The following FMN2 variants were observed in gnomAD, a reference collection of about 807,000 sequenced individuals.
FMN2 encodes the protein formin 2.
In FMN2, 51 loss-of-function variants were observed where a neutral mutation model predicts 142.3. That is an observed-to-expected ratio of 0.36 (90% CI 0.29 to 0.45). FMN2 has a LOEUF of 0.45. Among genes scored for constraint, FMN2 ranks in the 20% least tolerant of loss-of-function variants. The pLI is 1.00. For synonymous variants in FMN2, 882 were observed against 869.8 expected (o/e 1.01, Z -0.25); for missense variants, 1,936 against 2,122.8 (o/e 0.91, Z 1.73).
At chr1:240,197,610 A>C (rs1256735800) in intron 4 of FMN2, among the ~76,000 whole-genome samples, 1 of 152,134 alleles carries the variant, frequency 6.6e-6, no homozygotes, top group Non-Finnish European at 1.5e-5. Context: ...AATAGAATTG[A>C]TTGCTTGCTG....
intron 1 of FMN2, among the ~76,000 whole-genome samples, chr1:240,111,620 C>T (rs780190369): frequency 3.3e-5 from 5 of 151,994 alleles, no homozygotes; most frequent in Non-Finnish European, 5.9e-5. Flanking sequence ...GGGTTTTAGC[C>T]GGCTTCTTTA....
intron 14 of FMN2, among the ~76,000 whole-genome samples, chr1:240,361,239 T>G (rs1266381589): frequency 9.0e-5 from 13 of 143,890 alleles, no homozygotes; most frequent in African/African-American, 3.0e-4. Context: ...CACAAGCAAA[T>G]TGGTAGTTGC....
chr1:240,461,112 C>T (rs1676434254), intron 16 of FMN2, among the ~76,000 whole-genome samples: 1 of 152,192 alleles, frequency 6.6e-6, no homozygotes, highest in Non-Finnish European at 1.5e-5. Flanking sequence ...TTCTTGCATC[C>T]TGTATTCCCG....
Position 240,190,747 on chromosome 1 carries a change from T to C in FMN2, c.1986+2485T>C, listed in dbSNP as rs574043426. Among the ~76,000 whole-genome samples, 3 of 152,260 alleles carry C rather than the reference T, an allele frequency of 2.0e-5. No individual in the cohort carries two copies. In the South Asian group the frequency reaches 6.2e-4, roughly 32 times the overall value. On this transcript the variant is annotated intron_variant, in intron 4 of 17. Coordinates refer to ENST00000319653, the MANE Select transcript of FMN2 (RefSeq NM_020066.5). ...AAATCGTCAGATGAATGAGATGAGA[T>C]TCTAAATTTATTTTATTATATGTAA...
intron 8 of FMN2, among the ~76,000 whole-genome samples, chr1:240,312,695 T>G (rs1670636910): frequency 6.6e-6 from 1 of 152,254 alleles, no homozygotes; most frequent in African/African-American, 2.4e-5. Context: ...AGAGTAATTC[T>G]GTGATCAGAT....
chr1:240,419,415 C>CA (rs67554403), intron 15 of FMN2, among the ~76,000 whole-genome samples: 40 of 147,226 alleles, frequency 2.7e-4, no homozygotes, highest in East Asian at 9.9e-4. Context: ...TCCTTATGGG[C>CA]AAAAAAAAAA....
intron 2 of FMN2, chr1:240,170,618 C>T (rs1219150925): frequency 6.4e-7 from 1 of 1,573,460 alleles, no homozygotes; most frequent in African/African-American, 1.3e-5. Context: ...TCTGAATGCA[C>T]AGTTGTGGCT....
chr1:240,208,813 T>C lies in FMN2; in HGVS notation c.3920+81T>C, dbSNP rs182362432. 4,088 of 1,484,372 alleles carry C rather than the reference T, an allele frequency of 2.8e-3. 38 individuals carry two copies. The highest frequency in any genetic ancestry group is 0.022 in the South Asian group (1,571 of 72,278). The allele number at this position is 1,484,372 out of a possible 1,614,324, so 92.0% of individuals were successfully genotyped here. On this transcript the variant is annotated intron_variant, in intron 5 of 17. Coordinates refer to ENST00000319653, the MANE Select transcript of FMN2 (RefSeq NM_020066.5). ...TTACCTTCAAACTCGGGAAAATTAC[T>C]GTTGAATGTATTTTTAAGCACAACT...
intron 7 of FMN2, among the ~76,000 whole-genome samples, chr1:240,287,024 T>C (rs1020775313): frequency 3.3e-5 from 5 of 152,196 alleles, no homozygotes; most frequent in Non-Finnish European, 4.4e-5. Context: ...AAATGTTTTG[T>C]AGGACATTTA....
intron 3 of FMN2, chr1:240,179,256 G>C (rs1665053191): frequency 1.4e-5 from 2 of 145,534 alleles, no homozygotes; most frequent in Admixed American, 1.3e-4. Context: ...CCTTTCAACC[G>C]ACAATGACCA....
chr1:240,220,208 A>G (rs1667053069), intron 6 of FMN2, among the ~76,000 whole-genome samples: 1 of 152,270 alleles, frequency 6.6e-6, no homozygotes, highest in African/African-American at 2.4e-5. Flanking sequence ...GGAAACGGAG[A>G]AACAGTCATT....
chr1:240,145,139 C>T (rs545765222), intron 2 of FMN2: 633 of 1,483,390 alleles, frequency 4.3e-4, no homozygotes, highest in Admixed American at 5.4e-4. Context: ...AATCTGCCTT[C>T]GCATTTCCTC....
intron 2 of FMN2, among the ~76,000 whole-genome samples, chr1:240,136,717 T>C (rs1447048692): frequency 1.3e-5 from 2 of 152,202 alleles, no homozygotes; most frequent in African/African-American, 4.8e-5. Context: ...TTAGTTCTAT[T>C]GATGTGACTT....
At chr1:240,383,332 T>C (rs970453443) in intron 14 of FMN2, among the ~76,000 whole-genome samples, 1 of 152,048 alleles carries the variant, frequency 6.6e-6, no homozygotes, top group Non-Finnish European at 1.5e-5. Context: ...AGACAACCTA[T>C]AGAATGGGAT....
intron 2 of FMN2, among the ~76,000 whole-genome samples, chr1:240,145,877 T>C (rs1047261750): frequency 1.3e-5 from 2 of 152,076 alleles, no homozygotes. Flanking sequence ...GGCAGAAATC[T>C]TGCATTATGT....
chr1:240,367,767 CAAAAAAAAAAA>C (rs60368715), intron 14 of FMN2, among the ~76,000 whole-genome samples: 2 of 54,058 alleles, frequency 3.7e-5, no homozygotes, highest in East Asian at 4.5e-4. Context: ...GACTCAGTCT[CAAAAAAAAAAA>C]AAAAAAAAAA....
intron 16 of FMN2, among the ~76,000 whole-genome samples, chr1:240,456,459 T>G (rs1424443455): frequency 6.6e-6 from 1 of 152,192 alleles, no homozygotes; most frequent in Non-Finnish European, 1.5e-5. Context: ...TTGTTTTTAT[T>G]TTTTATTTTT....
intron 2 of FMN2, among the ~76,000 whole-genome samples, chr1:240,129,558 A>G (rs933766242): frequency 6.9e-6 from 1 of 143,940 alleles, no homozygotes; most frequent in South Asian, 2.2e-4. Context: ...GCTGGAGTAC[A>G]GTGGCGTGAT....
intron 14 of FMN2, among the ~76,000 whole-genome samples, chr1:240,374,789 C>T (rs1372198547): frequency 6.6e-6 from 1 of 152,134 alleles, no homozygotes; most frequent in African/African-American, 2.4e-5. Flanking sequence ...TTAAATTTCC[C>T]TTAATAACTT....
Sources: allele counts gnomAD v4.1 joint callset (sites outside exome capture counted in the v4.1 genomes callset), GRCh38; gene constraint gnomAD v4.1.1; transcripts MANE v1.5; gene names NCBI Gene and HGNC (gene_info 2026-07-23, HGNC 2026-07-21).